The following DNAH14 variants were observed in gnomAD, a reference collection of about 807,000 sequenced individuals.
The protein encoded by DNAH14 is axonemal beta dynein heavy chain 14.
In DNAH14, 478 loss-of-function variants were observed where a neutral mutation model predicts 520.9. The observed-to-expected ratio is 0.92, with a 90% CI of 0.85 to 0.99. The LOEUF is 0.99. Ranked by LOEUF, DNAH14 falls within the 50% of genes least tolerant of loss-of-function variation. The pLI is 0.00. For missense variants in DNAH14, 4,831 were observed against 5,234.5 expected (o/e 0.92, Z 2.38); for synonymous variants, 1,581 against 1,757.2 (o/e 0.90, Z 2.51).
intron 1 of DNAH14, among the ~76,000 whole-genome samples, chr1:224,930,247 A>G (rs2058596580): frequency 1.3e-5 from 2 of 152,216 alleles, no homozygotes; most frequent in African/African-American, 2.4e-5. Flanking sequence ...ACAAATATAT[A>G]TGGATTATTA....
chr1:225,198,510 C>T (rs1016413114), intron 38 of DNAH14, among the ~76,000 whole-genome samples: 3 of 152,146 alleles, frequency 2.0e-5, no homozygotes, highest in African/African-American at 7.2e-5. Context: ...AGCCACTGTG[C>T]CCAGCCCCTT....
intron 34 of DNAH14, among the ~76,000 whole-genome samples, chr1:225,156,709 CTTTTTTT>C (rs71170061): frequency 4.4e-5 from 3 of 68,164 alleles, no homozygotes; most frequent in Non-Finnish European, 7.3e-5. Flanking sequence ...TCTTAAAATT[CTTTTTTT>C]TTTTTTTTTT....
intron 77 of DNAH14, 87 bp from the exon 78 acceptor site, chr1:225,374,601 T>G: frequency 2.6e-6 from 3 of 1,171,364 alleles, no homozygotes; most frequent in Non-Finnish European, 3.5e-6. Flanking sequence ...TATGTAGCTG[T>G]TTGAGAGTTG....
chr1:225,244,249 T>C (rs2092143261), intron 43 of DNAH14, among the ~76,000 whole-genome samples: 3 of 152,156 alleles, frequency 2.0e-5, no homozygotes, highest in Admixed American at 2.0e-4. Context: ...GCTGGATTCA[T>C]TTTGCCAGTA....
chr1:225,108,863 G>T (rs1311352655), intron 23 of DNAH14, among the ~76,000 whole-genome samples: 2 of 152,142 alleles, frequency 1.3e-5, no homozygotes, highest in African/African-American at 4.8e-5. Context: ...AGATTTAAGT[G>T]TGAAATCCAT....
intron 81 of DNAH14, among the ~76,000 whole-genome samples, chr1:225,387,946 CA>C (rs1056731580): frequency 6.6e-6 from 1 of 151,860 alleles, no homozygotes; most frequent in African/African-American, 2.4e-5. Flanking sequence ...GGGGCAGGGG[CA>C]GGGGCAGCTG....
chr1:225,351,824 G>A lies in DNAH14; in HGVS notation c.11474G>A (p.Ser3825Asn). 1 of 1,551,250 alleles carries A rather than the reference G, an allele frequency of 6.4e-7. No homozygotes were observed. The highest frequency in any genetic ancestry group is 8.7e-7 in the Non-Finnish European group (1 of 1,146,732). The change falls in exon 72 of 86, where the codon AGC becomes AAC. Residue 3825 changes from serine to asparagine, a missense_variant. Ser to Asn is a conservative substitution (Grantham distance 46). Transcript: ENST00000682510. ...KNSKAVYSLI[S>N]TPFSSENASL... ...AGTAAAGCAGTTTATTCTCTGATCA[G>A]CACACCTTTCTCTTCAGAAAATGCT...
At position 224,964,565 on chromosome 1, in the gene DNAH14, A is replaced by T; in HGVS notation, c.454A>T (p.Lys152Ter). ...AACTATATTACCGCAGCACAGTTTG[A>T]AATACGGAAGCTCCAAAATTGCAAT... ...WQTILPQHSL[K>*]YGSSKIAIQK... The change falls in exon 5 of 86, where the codon AAA becomes TAA. Residue 152 changes from lysine to a stop codon, truncating the protein, a stop_gained. Coordinates refer to ENST00000682510, the MANE Select transcript of DNAH14 (RefSeq NM_001367479.1). LOFTEE classifies it high-confidence loss of function. 1 of 1,605,202 alleles carries T rather than the reference A, an allele frequency of 6.2e-7. No homozygotes were observed. Among genetic ancestry groups the T allele is most frequent in the Non-Finnish European group, 8.5e-7 (1 of 1,174,968 alleles).
chr1:225,105,920 T>C lies in DNAH14; in HGVS notation c.3867+5036T>C, dbSNP rs555579755. ...TAATATCGTTATGTGTGAATTCAATTCTGTTATTATGATGTTAGCTGGTTA... is the reference window on the plus strand; with the variant it reads ...TAATATCGTTATGTGTGAATTCAATCCTGTTATTATGATGTTAGCTGGTTA... On this transcript the variant is annotated intron_variant, in intron 23 of 85. Transcript: ENST00000682510. Among the ~76,000 whole-genome samples, 422 of 147,022 alleles carry C rather than the reference T, an allele frequency of 2.9e-3. 3 individuals are homozygous for C. The highest frequency in any genetic ancestry group is 0.011 in the African/African-American group (396 of 37,248).
At chr1:224,994,974 C>A (rs777340049) in intron 8 of DNAH14, among the ~76,000 whole-genome samples, 1 of 152,018 alleles carries the variant, frequency 6.6e-6, no homozygotes, top group Non-Finnish European at 1.5e-5. Context: ...TTTATGTTTT[C>A]GATGCCAGAA....
intron 62 of DNAH14, among the ~76,000 whole-genome samples, chr1:225,323,811 GA>G (rs1230259982): frequency 6.6e-6 from 1 of 151,600 alleles, no homozygotes; most frequent in East Asian, 2.0e-4. Flanking sequence ...TACTATTAAA[GA>G]TAAGTTAATT....
intron 16 of DNAH14, among the ~76,000 whole-genome samples, 162 bp downstream of exon 16, chr1:225,050,538 T>G (rs1042817175): frequency 5.9e-5 from 9 of 152,240 alleles, no homozygotes; most frequent in African/African-American, 2.2e-4. Context: ...TGATCTGTCA[T>G]CGCTGCTCAC....
rs936202694 is a variant in DNAH14 at position 225,308,374 on chromosome 1, G to A, written c.9204G>A (p.Val3068=). The A allele has an allele frequency of 6.5e-7, 1 of 1,539,376 alleles. No homozygotes were observed. The change falls in exon 60 of 86, where the codon GTG becomes GTA. Residue 3068 remains valine, a synonymous_variant. Transcript: ENST00000682510. The stretch of plus-strand genomic sequence containing the variant: ...TTGTTAAACAGGATGAAGAAATTGT[G>A]GCAGAAGAAGTAAGAATTGTGGAAG... The part of the protein sequence containing the change: ...QMLVKQDEEI[V]AEEVRIVEDY...
intron 26 of DNAH14, among the ~76,000 whole-genome samples, chr1:225,121,502 T>TA (rs2077282072): frequency 6.6e-6 from 1 of 152,176 alleles, no homozygotes; most frequent in African/African-American, 2.4e-5. Context: ...GATCATACAA[T>TA]ATTCATCTTT....
chr1:225,064,090 A>G (rs1340406680), intron 17 of DNAH14, among the ~76,000 whole-genome samples: 1 of 152,030 alleles, frequency 6.6e-6, no homozygotes, highest in Non-Finnish European at 1.5e-5. Flanking sequence ...CAAAGTACCA[A>G]TAAAAATAAC....
chr1:225,217,819 G>A (rs1370329321), intron 41 of DNAH14, among the ~76,000 whole-genome samples: 1 of 152,120 alleles, frequency 6.6e-6, no homozygotes, highest in East Asian at 1.9e-4. Flanking sequence ...CCTTTGCTAG[G>A]AAAGGGAATT....
chr1:225,168,659 AAAC>A (rs2082288498), intron 36 of DNAH14, among the ~76,000 whole-genome samples: 2 of 152,164 alleles, frequency 1.3e-5, no homozygotes, highest in South Asian at 4.1e-4. Context: ...CTGGAATCTC[AAAC>A]TGGGTGGAGC....
chr1:225,366,516 T>A (rs909957409), intron 76 of DNAH14, among the ~76,000 whole-genome samples: 2 of 152,162 alleles, frequency 1.3e-5, no homozygotes, highest in Non-Finnish European at 2.9e-5. Context: ...AAAGAATCAG[T>A]CATAGCAGTC....
chr1:225,324,090 A>C (rs1019914177), intron 62 of DNAH14, 132 bp from the exon 63 acceptor site: 29 of 1,114,060 alleles, frequency 2.6e-5, no homozygotes, highest in Non-Finnish European at 3.3e-5. Flanking sequence ...TGCTGGGTTT[A>C]TAGGCATGAG....
Sources: allele counts gnomAD v4.1 joint callset (sites outside exome capture counted in the v4.1 genomes callset), GRCh38; gene constraint gnomAD v4.1.1; transcripts MANE v1.5; gene names NCBI Gene and HGNC (gene_info 2026-07-23, HGNC 2026-07-21).